The following DNAH7 variants were observed in gnomAD, a reference collection of about 807,000 sequenced individuals.
DNAH7 encodes axonemal beta dynein heavy chain 7.
A neutral mutation model predicts 444.6 loss-of-function variants in DNAH7; 397 were observed. The observed-to-expected ratio is 0.89, with a 90% confidence interval of 0.82 to 0.97. The LOEUF (loss-of-function observed/expected upper bound fraction) is 0.97, where lower values mean the gene tolerates loss of function less well. DNAH7 is among the 50% of genes least tolerant of loss of function. DNAH7 has a pLI of 0.00. For missense variants in DNAH7, 4,902 were observed against 4,800.8 expected (o/e 1.02, Z -0.62); for synonymous variants, 1,636 against 1,624.4 (o/e 1.01, Z -0.17).
rs4850647 is a variant in DNAH7, at chr2:195,962,647, G to A, written c.2206-1702C>T. ...TTAGAGGTGTGAGCCACTGTGCCTG[G>A]CCCTGTTTTAGGTTATTTTTAAATG... On this transcript the variant is annotated intron_variant, in intron 17 of 64. Transcript: ENST00000312428. 0.019 allele frequency among the ~76,000 whole-genome samples: 2,965 copies of A among 152,254 alleles called. 247 individuals are homozygous for A. The East Asian group carries it at 0.27, about 14-fold the overall frequency.
chr2:195,820,487 G>A (rs998467403), intron 49 of DNAH7, among the ~76,000 whole-genome samples: 1 of 150,876 alleles, frequency 6.6e-6, no homozygotes, highest in Non-Finnish European at 1.5e-5. Flanking sequence ...AGAAATACTT[G>A]TTTTTTTACC....
intron 47 of DNAH7, among the ~76,000 whole-genome samples, chr2:195,836,496 T>TAA (rs200912135): frequency 3.6e-5 from 5 of 139,574 alleles, no homozygotes; most frequent in East Asian, 2.1e-4. Context: ...GACCCTGTCT[T>TAA]AAAAAAAAAA....
intron 17 of DNAH7, among the ~76,000 whole-genome samples, chr2:195,964,833 G>A (rs913027204): frequency 4.0e-5 from 6 of 150,132 alleles, no homozygotes; most frequent in African/African-American, 9.9e-5. Flanking sequence ...CCGAGGTCAC[G>A]CCACTTGCAC....
intron 61 of DNAH7, among the ~76,000 whole-genome samples, chr2:195,761,711 A>G (rs1026268528): frequency 6.6e-6 from 1 of 152,182 alleles, no homozygotes; most frequent in African/African-American, 2.4e-5. Context: ...CAAAACTTTT[A>G]CCCTAGAATA....
At chr2:195,766,533 T>C (rs771632680) in intron 61 of DNAH7, among the ~76,000 whole-genome samples, 41 of 151,988 alleles carry the variant, frequency 2.7e-4, no homozygotes, top group Non-Finnish European at 5.1e-4. Flanking sequence ...GGCTACCAGA[T>C]GTTGGGTAGA....
chr2:195,828,883 T>G (rs933745649), intron 48 of DNAH7, among the ~76,000 whole-genome samples: 6 of 152,090 alleles, frequency 3.9e-5, no homozygotes, highest in African/African-American at 1.2e-4. Context: ...TAGGGTTCAT[T>G]CCAGAGCTTA....
At chr2:195,839,211 CA>C (rs940755279) in intron 47 of DNAH7, among the ~76,000 whole-genome samples, 6 of 150,524 alleles carry the variant, frequency 4.0e-5, no homozygotes, top group East Asian at 1.9e-4. Context: ...AAAACAGTAA[CA>C]AAAAAATACC....
At chr2:195,921,111 T>C (rs1041281327) in intron 24 of DNAH7, among the ~76,000 whole-genome samples, 12 of 152,298 alleles carry the variant, frequency 7.9e-5, no homozygotes, top group African/African-American at 2.9e-4. Context: ...ACATCACTGG[T>C]AGGAATGTAA....
At chr2:195,859,404 C>T (rs976044256) in intron 42 of DNAH7, among the ~76,000 whole-genome samples, 1 of 151,956 alleles carries the variant, frequency 6.6e-6, no homozygotes, top group African/African-American at 2.4e-5. Context: ...AATATTTTAG[C>T]ATATTTTAAA....
chr2:195,864,500 C>T lies in DNAH7; in HGVS notation c.7155G>A (p.Arg2385=), dbSNP rs150035002. The T allele has an allele frequency of 1.2e-6, 2 of 1,614,070 alleles. No homozygotes were observed. The highest frequency in any genetic ancestry group is 1.7e-6 in the Non-Finnish European group (2 of 1,180,048). Residue 2385 remains arginine (R), a synonymous_variant, in exon 41 of 65, where the codon AGG becomes AGA. Coordinates refer to ENST00000312428, the MANE Select transcript of DNAH7 (RefSeq NM_018897.3). ...CCTGCATCTCACCTTCCGCACATTT[C>T]CTTAAGATCACTTTTAAATCTTCAT... ...EWHEDLKVIL[R]KCAEGEMQGV...
At position 195,935,818 on chromosome 2, in the gene DNAH7, A is replaced by G. The variant is rs190105989; in HGVS notation, c.3272+781T>C. ...ACTTATAGGAGGTAAAGGAAGAAGT[A>G]TGATGAACATTTGGGTAAGGAGCAT... On this transcript the variant is annotated intron_variant, in intron 20 of 64. Transcript: ENST00000312428. 6.7e-4 allele frequency among the ~76,000 whole-genome samples: 102 copies of G among 152,274 alleles called. 1 individual carries two copies. The highest frequency in any genetic ancestry group is 3.4e-3 in the Middle Eastern group (1 of 294).
rs1447227308 is a variant in DNAH7 at position 195,875,743 on chromosome 2, T to A, written c.6218A>T (p.Tyr2073Phe). ...AATCATGGAACAATCTTTTAGATCA[T>A]ACCAGTTCCAGTGGTCTAACCACTG... ...LRQWLDHWNW[Y>F]DLKDCSMIKL... Residue 2073 changes from tyrosine to phenylalanine, a missense_variant, in exon 38 of 65, where the codon TAT (tyrosine) becomes TTT (phenylalanine). Transcript: ENST00000312428. 2 of 1,613,644 alleles carry A rather than the reference T, an allele frequency of 1.2e-6. No individual in the cohort carries two copies. The highest frequency in any genetic ancestry group is 2.7e-5 in the African/African-American group (2 of 75,034).
chr2:195,814,600 G>GA (rs1295923440), intron 51 of DNAH7, among the ~76,000 whole-genome samples: 1 of 152,146 alleles, frequency 6.6e-6, no homozygotes, highest in African/African-American at 2.4e-5. Flanking sequence ...AAAATACCTT[G>GA]ATTTTAAGCT....
chr2:195,997,219 G>A (rs1218121323), intron 12 of DNAH7, among the ~76,000 whole-genome samples: 1 of 152,068 alleles, frequency 6.6e-6, no homozygotes, highest in African/African-American at 2.4e-5. Context: ...ATATTAGAAA[G>A]TATAATTTTG....
intron 14 of DNAH7, among the ~76,000 whole-genome samples, chr2:195,985,529 G>A (rs1485340461): frequency 6.6e-6 from 1 of 152,192 alleles, no homozygotes; most frequent in African/African-American, 2.4e-5. Context: ...CCTCTGAGTA[G>A]GTGGGAGACA....
chr2:195,855,202 T>A (rs962902330), intron 45 of DNAH7, among the ~76,000 whole-genome samples: 7 of 152,192 alleles, frequency 4.6e-5, no homozygotes, highest in African/African-American at 1.7e-4. Flanking sequence ...ATAATAAGCA[T>A]TCAATAAATG....
At chr2:195,911,463 T>C (rs542057025) in intron 24 of DNAH7, among the ~76,000 whole-genome samples, 2 of 151,790 alleles carry the variant, frequency 1.3e-5, no homozygotes, top group African/African-American at 4.8e-5. Flanking sequence ...GAAGCAAAAT[T>C]TAAACAGCAA....
At chr2:195,947,663 T>G (rs1689908985) in intron 19 of DNAH7, among the ~76,000 whole-genome samples, 1 of 152,206 alleles carries the variant, frequency 6.6e-6, no homozygotes, top group African/African-American at 2.4e-5. Flanking sequence ...ATGGTGTATA[T>G]GTGCCACATT....
chr2:195,923,637 G>A lies in DNAH7; in HGVS notation c.3783C>T (p.Asp1261=). ...SSLVKKNISD[D]SDFEWLSQLR... is the part of the protein sequence containing the mutation. ...GCTGACTTAACCATTCAAAGTCAGA[G>A]TCATCGCTAATATTTTTTTTTACAA... The change falls in exon 23 of 65, where the codon GAC becomes GAT. Residue 1261 remains aspartate, a synonymous_variant. Coordinates refer to ENST00000312428, the MANE Select transcript of DNAH7 (RefSeq NM_018897.3). The A allele has an allele frequency of 6.2e-7, 1 of 1,614,130 alleles. No homozygotes were observed. Among genetic ancestry groups the A allele is most frequent in the Non-Finnish European group, 8.5e-7 (1 of 1,180,012 alleles).
Sources: allele counts gnomAD v4.1 joint callset (sites outside exome capture counted in the v4.1 genomes callset), GRCh38; gene constraint gnomAD v4.1.1; transcripts MANE v1.5; gene names NCBI Gene and HGNC (gene_info 2026-07-23, HGNC 2026-07-21).